Variants in SYN2 observed in about 807,000 individuals in gnomAD.
SYN2 encodes synapsin II.
A neutral mutation model predicts 50.9 loss-of-function variants in SYN2; 19 were observed. The ratio of observed to expected loss-of-function variants is 0.37; its 90% CI spans 0.26 to 0.55. The LOEUF (loss-of-function observed/expected upper bound fraction) is 0.55. Among genes scored for constraint, SYN2 ranks in the 20% least tolerant of loss-of-function variants. The pLI, the probability that SYN2 is intolerant of heterozygous loss-of-function variation, is 0.81. For synonymous variants in SYN2, 255 were observed against 224.9 expected, an observed-to-expected ratio of 1.13 and a Z score of -1.20; for missense variants, 587 against 576.4, an observed-to-expected ratio of 1.02 and a Z score of -0.19.
At chr3:12,009,653 T>C (rs1002357240) in intron 1 of SYN2, among the ~76,000 whole-genome samples, 1 of 152,240 alleles carries the variant, frequency 6.6e-6, no homozygotes, top group African/African-American at 2.4e-5. Flanking sequence ...ACTGTTTGTG[T>C]CGGCTTCTTT....
At chr3:12,148,321 C>T (rs1246024216) in intron 4 of SYN2, among the ~76,000 whole-genome samples, 1 of 152,136 alleles carries the variant, frequency 6.6e-6, no homozygotes. Context: ...CTGGCCAGAC[C>T]CCAAGTTCTC....
At chr3:12,070,185 C>T (rs756502254) in intron 1 of SYN2, 360 of 356,560 alleles carry the variant, frequency 1.0e-3, no homozygotes, top group Non-Finnish European at 1.6e-3. Context: ...TGCACCATGT[C>T]CTCCTACTGC....
At chr3:12,050,822 G>A (rs1455521873) in intron 1 of SYN2, among the ~76,000 whole-genome samples, 6 of 131,802 alleles carry the variant, frequency 4.6e-5, no homozygotes, top group Non-Finnish European at 9.4e-5. Flanking sequence ...TGCAAGCTCC[G>A]CTTCCCGGGT....
rs1247037600 is a variant in SYN2, at chr3:12,183,199, CCCACCAGGTCCCACCGGATT to C, written c.1309-108_1309-89del. 7 of 1,396,748 alleles carry C rather than the reference CCCACCAGGTCCCACCGGATT, an allele frequency of 5.0e-6. 1 individual carries two copies. The South Asian group carries it at 8.9e-5, about 18-fold the overall frequency. 86.5% of individuals were successfully genotyped at this position (1,396,748 alleles called of 1,614,324 possible). On this transcript the variant is annotated intron_variant, in intron 10 of 12. Coordinates refer to ENST00000621198, the MANE Select transcript of SYN2 (RefSeq NM_133625.6). Reference sequence around the variant, plus strand: ...AGCCTATGGCCAGATCCCACTGGATCCCACCAGGTCCCACCGGATTCCACTGCGGCCTTGCCATGGAGCCA... The same window carrying C: ...AGCCTATGGCCAGATCCCACTGGATCCCACTGCGGCCTTGCCATGGAGCCA...
chr3:12,170,023 C>A, intron 10 of SYN2, 117 bp downstream of exon 10: 1 of 1,270,934 alleles, frequency 7.9e-7, no homozygotes, highest in Non-Finnish European at 1.1e-6. Flanking sequence ...TAAATGGGAT[C>A]TAAGGAGACA....
At chr3:12,089,295 A>G (rs1355551142) in intron 1 of SYN2, among the ~76,000 whole-genome samples, 2 of 152,294 alleles carry the variant, frequency 1.3e-5, no homozygotes, top group East Asian at 3.9e-4. Flanking sequence ...GGCAAGAGAG[A>G]ACTTGTATAG....
intron 7 of SYN2, 78 bp downstream of exon 7, chr3:12,162,232 T>TA (rs1697671900): frequency 6.5e-7 from 1 of 1,549,578 alleles, no homozygotes. Context: ...AACTCTCAGA[T>TA]AACAGAGAGG....
intron 1 of SYN2, among the ~76,000 whole-genome samples, chr3:12,082,805 A>C (rs1225372131): frequency 6.6e-6 from 1 of 152,082 alleles, no homozygotes; most frequent in African/African-American, 2.4e-5. Flanking sequence ...AGGATACTTG[A>C]GTTTTGATGT....
In SYN2 at chr3:12,190,498, A is replaced by AG. The variant is rs1698424846; in HGVS notation, c.1623dup (p.Ser542ValfsTer10). ...TGGTTTTTATCTTCAAGCAAGTCGC[A>AG]GTCCCTGACAAATGCCTTCAGCTTC... On this transcript the variant is annotated frameshift_variant, in exon 13 of 13. Transcript: ENST00000621198. LOFTEE classifies it high-confidence loss of function. 6.2e-7 allele frequency: 1 copy of AG among 1,613,804 alleles called. No homozygotes were observed. Among genetic ancestry groups the AG allele is most frequent in the East Asian group, 2.2e-5 (1 of 44,860 alleles).
At chr3:12,158,336 C>T (rs768269934) in intron 5 of SYN2, among the ~76,000 whole-genome samples, 5 of 152,140 alleles carry the variant, frequency 3.3e-5, no homozygotes, top group African/African-American at 4.8e-5. Context: ...TGGACAGACA[C>T]GGGTAGTTAC....
intron 10 of SYN2, among the ~76,000 whole-genome samples, chr3:12,176,543 T>C (rs962199919): frequency 2.6e-5 from 4 of 152,174 alleles, no homozygotes; most frequent in Non-Finnish European, 5.9e-5. Flanking sequence ...GAAGCATTCA[T>C]ATACATTTGG....
chr3:12,007,556 T>G (rs1282808003), intron 1 of SYN2, among the ~76,000 whole-genome samples: 1 of 152,218 alleles, frequency 6.6e-6, no homozygotes, highest in Non-Finnish European at 1.5e-5. Flanking sequence ...CAGTTTAAGC[T>G]ACCTAGATAG....
chr3:12,008,263 G>T (rs1693839411), intron 1 of SYN2, among the ~76,000 whole-genome samples: 1 of 152,112 alleles, frequency 6.6e-6, no homozygotes, highest in Non-Finnish European at 1.5e-5. Flanking sequence ...ATTCAGTATA[G>T]CACAGGTACT....
At chr3:12,166,575 G>A (rs1246292287) in intron 7 of SYN2, among the ~76,000 whole-genome samples, 1 of 152,214 alleles carries the variant, frequency 6.6e-6, no homozygotes, top group Non-Finnish European at 1.5e-5. Flanking sequence ...AGAAGCTGAT[G>A]GCTTGATGCC....
intron 1 of SYN2, among the ~76,000 whole-genome samples, chr3:12,077,870 G>A (rs528395944): frequency 6.6e-6 from 1 of 152,236 alleles, no homozygotes; most frequent in South Asian, 2.1e-4. Flanking sequence ...GGTATTTCTG[G>A]TTCTAGGTCT....
chr3:12,174,231 C>T (rs1160001781), intron 10 of SYN2, among the ~76,000 whole-genome samples: 4 of 137,304 alleles, frequency 2.9e-5, no homozygotes, highest in South Asian at 2.6e-4. Flanking sequence ...TCCAGACTCA[C>T]ATTTCTAACT....
chr3:12,061,154 A>G (rs766718788), intron 1 of SYN2, among the ~76,000 whole-genome samples: 1 of 152,180 alleles, frequency 6.6e-6, no homozygotes, highest in Non-Finnish European at 1.5e-5. Flanking sequence ...GAAAATACAT[A>G]TGTCAGTGAA....
At chr3:12,172,709 C>A (rs1026958586) in intron 10 of SYN2, among the ~76,000 whole-genome samples, 1 of 152,224 alleles carries the variant, frequency 6.6e-6, no homozygotes, top group Non-Finnish European at 1.5e-5. Flanking sequence ...CCTCTGGCTT[C>A]TCCCTCCTTG....
chr3:12,163,241 C>CAAAAATAAAAA (rs1697698598), intron 7 of SYN2, among the ~76,000 whole-genome samples: 1 of 122,598 alleles, frequency 8.2e-6, no homozygotes, highest in African/African-American at 3.3e-5. Context: ...GACTCTGTCT[C>CAAAAATAAAAA]AAAAAAAAAA....
Sources: gnomAD v4.1 joint callset for allele counts (sites outside exome capture counted in the v4.1 genomes callset) on GRCh38, gnomAD v4.1.1 for gene constraint, MANE v1.5 for transcripts, NCBI Gene and HGNC (gene_info 2026-07-23, HGNC 2026-07-21) for gene names.